Variants in XYLT1 observed in about 807,000 individuals in gnomAD.
The protein encoded by XYLT1 is beta-D-xylosyltransferase 1.
XYLT1 carries 36 observed loss-of-function variants against 91.3 expected under a neutral mutation model. That is an observed-to-expected ratio of 0.39 (90% CI 0.30 to 0.52). The LOEUF (loss-of-function observed/expected upper bound fraction) is 0.52, where lower values mean the gene tolerates loss of function less well. Ranked by LOEUF, XYLT1 falls within the 20% of genes least tolerant of loss-of-function variation. XYLT1 has a pLI of 0.68. For synonymous variants in XYLT1, 588 were observed against 532.0 expected (o/e 1.11, Z -1.45); for missense variants, 1,242 against 1,284.5 (o/e 0.97, Z 0.51).
chr16:17,274,600 A>T (rs987085357), intron 2 of XYLT1, among the ~76,000 whole-genome samples: 2 of 151,912 alleles, frequency 1.3e-5, no homozygotes, highest in Non-Finnish European at 2.9e-5. Context: ...GGGTGTGCTC[A>T]GGATTTGAAT....
At chr16:17,432,005 C>T (rs1447128442) in intron 1 of XYLT1, among the ~76,000 whole-genome samples, 1 of 152,098 alleles carries the variant, frequency 6.6e-6, no homozygotes, top group East Asian at 1.9e-4. Flanking sequence ...CTGTTGCCCA[C>T]AGGCAGATAC....
rs575768049 is a variant in XYLT1, at chr16:17,388,014, C to T, written c.364-29964G>A. On this transcript the variant is annotated intron_variant, in intron 1 of 11. Coordinates refer to ENST00000261381, the MANE Select transcript of XYLT1 (RefSeq NM_022166.4). The stretch of plus-strand genomic sequence containing the variant: ...AATGGGTTAGATCCAATAAACCCAC[C>T]GTAAGCTGAAAATAGCCTAAGTTGA... Among the ~76,000 whole-genome samples the T allele has an allele frequency of 4.7e-4, 72 of 152,266 alleles. 2 individuals are homozygous for T. The South Asian group carries it at 0.014, about 29-fold the overall frequency.
chr16:17,315,176 C>T (rs966059010), intron 2 of XYLT1, among the ~76,000 whole-genome samples: 2 of 152,204 alleles, frequency 1.3e-5, no homozygotes, highest in South Asian at 2.1e-4. Flanking sequence ...AAAATCCATT[C>T]TCCTTCCTAG....
At chr16:17,185,081 T>C (rs1379221271) in intron 5 of XYLT1, among the ~76,000 whole-genome samples, 2 of 152,104 alleles carry the variant, frequency 1.3e-5, no homozygotes, top group African/African-American at 4.8e-5. Flanking sequence ...CTAGGCTCAC[T>C]CTGTTTGTCC....
intron 3 of XYLT1, among the ~76,000 whole-genome samples, chr16:17,237,721 T>G (rs1220299006): frequency 6.6e-6 from 1 of 152,198 alleles, no homozygotes; most frequent in Non-Finnish European, 1.5e-5. Flanking sequence ...TGGGAGACCA[T>G]GGGATGTTGT....
intron 3 of XYLT1, among the ~76,000 whole-genome samples, chr16:17,242,820 G>A (rs2033368288): frequency 1.3e-5 from 2 of 152,102 alleles, no homozygotes; most frequent in South Asian, 4.1e-4. Context: ...CTGTCTCTAG[G>A]AATTTAATTA....
Position 17,138,438 on chromosome 16 carries a change from A to C in XYLT1, c.1681T>G (p.Cys561Gly). Residue 561 changes from cysteine to glycine, a missense_variant, in exon 8 of 12, where the codon TGC becomes GGC. Transcript: ENST00000261381. Reference protein sequence around the residue: ...RITNWNRKLGCKCQYKHIVDW... With the variant: ...RITNWNRKLGGKCQYKHIVDW... ...ACGATGTGCTTGTACTGGCACTTGC[A>C]GCCCAGCTTGCGATTCCAGTTGGTG... 1 of 1,614,176 alleles carries C rather than the reference A, an allele frequency of 6.2e-7. No homozygotes were observed. Among genetic ancestry groups the C allele is most frequent in the Non-Finnish European group, 8.5e-7 (1 of 1,180,034 alleles).
intron 1 of XYLT1, among the ~76,000 whole-genome samples, chr16:17,454,601 A>T (rs1197449528): frequency 6.6e-6 from 1 of 151,898 alleles, no homozygotes; most frequent in Non-Finnish European, 1.5e-5. Context: ...CAGTGGCACA[A>T]TCTTGGCTCA....
intron 1 of XYLT1, among the ~76,000 whole-genome samples, chr16:17,385,937 A>G (rs6498697): frequency 0.5 from 76,546 of 152,060 alleles, 20,666 homozygotes; most frequent in African/African-American, 0.67. Context: ...TAACAATAGC[A>G]CCTACTGAAT....
chr16:17,391,122 A>G (rs939637523), intron 1 of XYLT1, among the ~76,000 whole-genome samples: 1 of 152,238 alleles, frequency 6.6e-6, no homozygotes. Context: ...CTGAGGTCAC[A>G]AGATTTGCAA....
chr16:17,346,065 C>A (rs909832130), intron 2 of XYLT1, among the ~76,000 whole-genome samples: 1 of 152,050 alleles, frequency 6.6e-6, no homozygotes, highest in African/African-American at 2.4e-5. Context: ...CCTGCCTTGG[C>A]CTCCCAAAGT....
rs1015601104 is a variant in XYLT1, at chr16:17,312,721, T to C, written c.402+45291A>G. 3.9e-5 allele frequency among the ~76,000 whole-genome samples: 6 copies of C among 152,196 alleles called. No individual in the cohort carries two copies. The highest frequency in any genetic ancestry group is 2.9e-5 in the Non-Finnish European group (2 of 68,028). On this transcript the variant is annotated intron_variant, in intron 2 of 11. Coordinates refer to ENST00000261381, the MANE Select transcript of XYLT1 (RefSeq NM_022166.4). The surrounding 1 kb of genome is among the most constrained non-coding windows in gnomAD (Gnocchi z 4.4). ...TCTTCACAGCAATCCTATTATCCCA[T>C]TTTGCAGATGGGAAAACTGAAGCAC... is the stretch of plus-strand genomic sequence containing the variant.
chr16:17,109,435 G>C (rs1167918352), intron 11 of XYLT1, among the ~76,000 whole-genome samples: 1 of 152,116 alleles, frequency 6.6e-6, no homozygotes, highest in African/African-American at 2.4e-5. Context: ...TATTCTAGGT[G>C]GTGGAGCAAA....
chr16:17,432,477 T>C (rs1255481811), intron 1 of XYLT1, among the ~76,000 whole-genome samples: 1 of 152,122 alleles, frequency 6.6e-6, no homozygotes, highest in Non-Finnish European at 1.5e-5. Flanking sequence ...ATATAAAATA[T>C]CCAGAATAGG....
At chr16:17,315,506 T>A (rs1180807662) in intron 2 of XYLT1, among the ~76,000 whole-genome samples, 1 of 147,712 alleles carries the variant, frequency 6.8e-6, no homozygotes, top group African/African-American at 2.6e-5. Flanking sequence ...TCACAGCAGA[T>A]CGTTATTGTA....
intron 2 of XYLT1, chr16:17,338,683 C>A (rs1187182309): frequency 5.5e-6 from 2 of 361,120 alleles, no homozygotes; most frequent in Non-Finnish European, 1.1e-5. Context: ...GCAGTTAGTT[C>A]AAGCAATGCT....
At chr16:17,359,875 A>G (rs2035357881) in intron 1 of XYLT1, among the ~76,000 whole-genome samples, 1 of 152,190 alleles carries the variant, frequency 6.6e-6, no homozygotes, top group South Asian at 2.1e-4. Flanking sequence ...ACTCGCATGC[A>G]GAAAGAGTCT....
intron 2 of XYLT1, among the ~76,000 whole-genome samples, chr16:17,344,349 C>T (rs889471926): frequency 9.9e-5 from 15 of 151,244 alleles, no homozygotes; most frequent in South Asian, 2.1e-4. Flanking sequence ...AAAAATTAGC[C>T]GGGCGTGGTG....
intron 2 of XYLT1, among the ~76,000 whole-genome samples, chr16:17,304,463 T>C (rs1366687330): frequency 9.6e-6 from 1 of 104,198 alleles, no homozygotes; most frequent in Non-Finnish European, 1.8e-5. Context: ...TGCGAAAAAA[T>C]GCTGCAGGGA....
Sources: allele counts gnomAD v4.1 joint callset (sites outside exome capture counted in the v4.1 genomes callset), GRCh38; gene constraint gnomAD v4.1.1; non-coding constraint Gnocchi (gnomAD v3.1); transcripts MANE v1.5; gene names NCBI Gene and HGNC (gene_info 2026-07-23, HGNC 2026-07-21).